CSMD1: variants seen among roughly 807,000 people sequenced by gnomAD.
The protein encoded by CSMD1 is CUB and Sushi multiple domains 1.
A neutral mutation model predicts 417.5 loss-of-function variants in CSMD1; 213 were observed. The observed-to-expected ratio is 0.51, with a 90% confidence interval of 0.46 to 0.57. The LOEUF (loss-of-function observed/expected upper bound fraction) is 0.57, where lower values mean the gene tolerates loss of function less well. Ranked by LOEUF, CSMD1 falls within the 20% of genes least tolerant of loss-of-function variation. CSMD1 has a pLI of 0.00. For missense variants in CSMD1, 6,923 were observed against 4,529.7 expected, an observed-to-expected ratio of 1.53 and a Z score of -15.17; for synonymous variants, 2,862 against 1,736.8, an observed-to-expected ratio of 1.65 and a Z score of -16.11.
Position 3,718,959 on chromosome 8 carries a change from G to A in CSMD1, c.932-10468C>T, listed in dbSNP as rs201906967. Among the ~76,000 whole-genome samples the A allele has an allele frequency of 6.6e-5, 10 of 152,060 alleles. No individual in the cohort carries two copies. The East Asian group carries it at 1.5e-3, about 23-fold the overall frequency. ...CAAACAGAGGGAGAATAGAAGGAGC[G>A]AGAAGATAAGAAAGCGCAAAGGGGG... On this transcript the variant is annotated intron_variant, in intron 6 of 69. Coordinates refer to ENST00000635120, the MANE Select transcript of CSMD1 (RefSeq NM_033225.6).
intron 1 of CSMD1, among the ~76,000 whole-genome samples, chr8:4,934,752 T>C (rs191043500): frequency 1.6e-3 from 243 of 152,270 alleles, no homozygotes; most frequent in African/African-American, 5.7e-3. Flanking sequence ...TCTATATCTA[T>C]CTACCTACCT....
At chr8:4,231,349 T>C (rs1421800889) in intron 3 of CSMD1, among the ~76,000 whole-genome samples, 2 of 152,174 alleles carry the variant, frequency 1.3e-5, no homozygotes, top group Admixed American at 1.3e-4. Flanking sequence ...ATAAATCACC[T>C]AGCATTGCTG....
chr8:3,378,978 G>A (rs773542083), intron 18 of CSMD1, among the ~76,000 whole-genome samples: 1 of 152,216 alleles, frequency 6.6e-6, no homozygotes, highest in Non-Finnish European at 1.5e-5. Context: ...GAGATGACAT[G>A]ATTGTATATT....
At chr8:4,289,126 A>G (rs1179924440) in intron 3 of CSMD1, among the ~76,000 whole-genome samples, 2 of 152,186 alleles carry the variant, frequency 1.3e-5, no homozygotes, top group Non-Finnish European at 2.9e-5. Context: ...AAATGAATTA[A>G]CTAGTTACAG....
chr8:3,468,454 C>G (rs1257032335), intron 12 of CSMD1, among the ~76,000 whole-genome samples: 2 of 152,176 alleles, frequency 1.3e-5, no homozygotes, highest in Non-Finnish European at 2.9e-5. Flanking sequence ...CACTTCCTAG[C>G]TTACACCTAA....
At position 2,949,177 on chromosome 8, in the gene CSMD1, T is replaced by A. The variant is rs996443678; in HGVS notation, c.10402+122A>T. 3.5e-5 allele frequency: 21 copies of A among 607,336 alleles called. No homozygotes were observed. The African/African-American group carries it at 3.6e-4, about 10-fold the overall frequency. The allele number at this position is 607,336 out of a possible 1,614,324, so 37.6% of individuals were successfully genotyped here. On this transcript the variant is annotated intron_variant, in intron 68 of 69. Coordinates refer to ENST00000635120, the MANE Select transcript of CSMD1 (RefSeq NM_033225.6). ...TTTTTCATTCAGCTGTAAAATATGTTAGTCTCTCTCATTATTTTTGTTTAG... is the reference window on the plus strand; with the variant it reads ...TTTTTCATTCAGCTGTAAAATATGTAAGTCTCTCTCATTATTTTTGTTTAG...
Position 2,942,620 on chromosome 8 carries a change from A to C in CSMD1, c.10403-16T>G, listed in dbSNP as rs1217667333. On this transcript the variant is annotated splice_polypyrimidine_tract_variant and intron_variant, in intron 68 of 69. Transcript: ENST00000635120. ...TTTAAAGGATCTGTAAGATAAAGGA[A>C]ATATTAAATTTGTTGTTACTGTACT... The C allele has an allele frequency of 1.3e-6, 2 of 1,541,778 alleles. No individual in the cohort carries two copies. The highest frequency in any genetic ancestry group is 1.7e-4 in the Middle Eastern group (1 of 5,872).
chr8:4,839,791 A>C (rs556702886), intron 1 of CSMD1, among the ~76,000 whole-genome samples: 1 of 152,324 alleles, frequency 6.6e-6, no homozygotes, highest in South Asian at 2.1e-4. Flanking sequence ...CAACAGATTT[A>C]GACCTTTTGA....
chr8:3,125,287 G>C (rs968178215), intron 41 of CSMD1, among the ~76,000 whole-genome samples: 1 of 152,226 alleles, frequency 6.6e-6, no homozygotes, highest in Non-Finnish European at 1.5e-5. Flanking sequence ...TGCCTCTGAA[G>C]GACTTGCAAT....
intron 5 of CSMD1, among the ~76,000 whole-genome samples, chr8:3,965,825 G>C (rs2627476): frequency 0.13 from 19,694 of 151,968 alleles, 1,353 homozygotes; most frequent in Middle Eastern, 0.16. Context: ...CACCATGTTG[G>C]CCAGGCCGGT....
intron 12 of CSMD1, among the ~76,000 whole-genome samples, chr8:3,419,349 G>C (rs1585137031): frequency 6.6e-6 from 1 of 152,144 alleles, no homozygotes; most frequent in African/African-American, 2.4e-5. Flanking sequence ...ATGAATAATT[G>C]AAAATGAAGG....
intron 6 of CSMD1, among the ~76,000 whole-genome samples, chr8:3,734,215 C>G (rs1013096348): frequency 6.6e-6 from 1 of 152,212 alleles, no homozygotes; most frequent in African/African-American, 2.4e-5. Context: ...CTGCATTTCA[C>G]GATGAGAATG....
At chr8:3,814,444 T>C (rs1254964970) in intron 5 of CSMD1, among the ~76,000 whole-genome samples, 3 of 152,210 alleles carry the variant, frequency 2.0e-5, no homozygotes, top group African/African-American at 4.8e-5. Context: ...CATGACAGAA[T>C]TGTCATGAAA....
chr8:3,176,725 G>A (rs193230604), intron 37 of CSMD1, among the ~76,000 whole-genome samples: 8 of 152,056 alleles, frequency 5.3e-5, no homozygotes, highest in East Asian at 1.9e-4. Context: ...AGGGAGCTGC[G>A]TGGCAGGTAC....
At chr8:4,442,646 G>A (rs1034486861) in intron 2 of CSMD1, among the ~76,000 whole-genome samples, 2 of 152,146 alleles carry the variant, frequency 1.3e-5, no homozygotes, top group African/African-American at 2.4e-5. Context: ...GGATTCCAGA[G>A]TACTTTTAAA....
At chr8:4,844,710 C>G (rs1306675728) in intron 1 of CSMD1, among the ~76,000 whole-genome samples, 1 of 152,140 alleles carries the variant, frequency 6.6e-6, no homozygotes, top group Admixed American at 6.6e-5. Flanking sequence ...CTCTAAACAA[C>G]TAATTGTAGT....
At chr8:3,117,449 G>A (rs1236700878) in intron 42 of CSMD1, among the ~76,000 whole-genome samples, 1 of 152,170 alleles carries the variant, frequency 6.6e-6, no homozygotes, top group African/African-American at 2.4e-5. Flanking sequence ...TTAAAGCACA[G>A]CCAGATGTCT....
At chr8:3,825,473 G>A (rs1158989550) in intron 5 of CSMD1, among the ~76,000 whole-genome samples, 1 of 152,124 alleles carries the variant, frequency 6.6e-6, no homozygotes, top group Non-Finnish European at 1.5e-5. Context: ...AAGTTGCAGT[G>A]AGCCAAGATA....
intron 1 of CSMD1, among the ~76,000 whole-genome samples, chr8:4,683,991 CACTG>C (rs1329299941): frequency 2.0e-5 from 3 of 152,286 alleles, no homozygotes; most frequent in Middle Eastern, 3.4e-3. Flanking sequence ...TATTCAGTAT[CACTG>C]ACTGAGTATT....
Sources: gnomAD v4.1 joint callset for allele counts (sites outside exome capture counted in the v4.1 genomes callset) on GRCh38, gnomAD v4.1.1 for gene constraint, MANE v1.5 for transcripts, NCBI Gene and HGNC (gene_info 2026-07-23, HGNC 2026-07-21) for gene names.